Variants in PLCB4 observed in about 807,000 individuals in gnomAD.
The protein encoded by PLCB4 is phospholipase C beta 4, also known as 1-phosphatidylinositol 4,5-bisphosphate phosphodiesterase beta-4.
In PLCB4, 77 loss-of-function variants were observed where a neutral mutation model predicts 178.8. That is an observed-to-expected ratio of 0.43 (90% CI 0.36 to 0.52). The LOEUF (loss-of-function observed/expected upper bound fraction) is 0.52. Ranked by LOEUF, PLCB4 falls within the 20% of genes least tolerant of loss-of-function variation. The pLI is 0.00. For synonymous variants in PLCB4, 496 were observed against 490.8 expected (o/e 1.01, Z -0.14); for missense variants, 1,024 against 1,453.4 (o/e 0.70, Z 4.80).
In PLCB4 at chr20:9,153,828, A is replaced by G. The variant is rs187622097; in HGVS notation, c.-79+57486A>G. ...CATTCTTCATCAGGAAATGATTATT[A>G]TAATCAACCAAAATTTTGCAAACAA... On this transcript the variant is annotated intron_variant, in intron 2 of 39. Transcript: ENST00000378473. Among the ~76,000 whole-genome samples, 15 of 152,302 alleles carry G rather than the reference A, an allele frequency of 9.8e-5. No homozygotes were observed. In the East Asian group the frequency reaches 2.9e-3, roughly 29 times the overall value.
chr20:9,298,453 A>G, intron 3 of PLCB4, among the ~76,000 whole-genome samples: 1 of 152,070 alleles, frequency 6.6e-6, no homozygotes, highest in Admixed American at 6.6e-5. Flanking sequence ...CCTAGAATAT[A>G]TTGACAGTTA....
intron 1 of PLCB4, among the ~76,000 whole-genome samples, chr20:9,090,438 GA>G (rs1233288049): frequency 6.7e-6 from 1 of 150,174 alleles, no homozygotes; most frequent in Admixed American, 6.6e-5. Context: ...AAGGGGGAGG[GA>G]AAAAATGGAA....
At position 9,137,829 on chromosome 20, in the gene PLCB4, G is replaced by A. The variant is rs529097248; in HGVS notation, c.-79+41487G>A. On this transcript the variant is annotated intron_variant, in intron 2 of 39. Coordinates refer to ENST00000378473, the MANE Select transcript of PLCB4 (RefSeq NM_001377142.1). ...GCTAGCAACAGAAAACACCCATTCT[G>A]TATGTATTTACAGAGGGCCTCTTGT... Among the ~76,000 whole-genome samples, 330 of 150,494 alleles carry A rather than the reference G, an allele frequency of 2.2e-3. 2 individuals carry two copies. The highest frequency in any genetic ancestry group is 3.1e-3 in the Non-Finnish European group (207 of 67,816).
intron 2 of PLCB4, among the ~76,000 whole-genome samples, chr20:9,210,182 A>G (rs1293428817): frequency 6.6e-6 from 1 of 152,102 alleles, no homozygotes; most frequent in Non-Finnish European, 1.5e-5. Context: ...TTAGAGAAAA[A>G]TAACACCCAT....
chr20:9,144,593 G>C (rs2092556549), intron 2 of PLCB4, among the ~76,000 whole-genome samples: 1 of 148,564 alleles, frequency 6.7e-6, no homozygotes, highest in South Asian at 2.2e-4. Flanking sequence ...AGGAGTTCAA[G>C]ACCAGCTTGA....
At chr20:9,269,486 A>G (rs910229837) in intron 3 of PLCB4, among the ~76,000 whole-genome samples, 1 of 152,180 alleles carries the variant, frequency 6.6e-6, no homozygotes, top group Non-Finnish European at 1.5e-5. Context: ...CAACTATGTC[A>G]TCATTCCAAC....
At chr20:9,265,221 G>A (rs899472966) in intron 3 of PLCB4, among the ~76,000 whole-genome samples, 11 of 152,152 alleles carry the variant, frequency 7.2e-5, no homozygotes, top group African/African-American at 2.7e-4. Flanking sequence ...GGTGGCTCAT[G>A]TCTGCAATTC....
At chr20:9,347,186 T>C (rs2033883984) in intron 7 of PLCB4, among the ~76,000 whole-genome samples, 2 of 152,174 alleles carry the variant, frequency 1.3e-5, no homozygotes, top group African/African-American at 2.4e-5. Flanking sequence ...GTGTGGACTT[T>C]AGCAAGTTGG....
chr20:9,337,920 T>A (rs953288788), intron 5 of PLCB4, 88 bp from the exon 6 acceptor site: 11 of 853,190 alleles, frequency 1.3e-5, no homozygotes, highest in Non-Finnish European at 2.0e-5. Context: ...ACTGCCTTCA[T>A]CATCAGAAAT....
chr20:9,113,939 C>T (rs1029705256), intron 2 of PLCB4, among the ~76,000 whole-genome samples: 3 of 152,226 alleles, frequency 2.0e-5, no homozygotes, highest in South Asian at 4.1e-4. Context: ...TCTGGCCAGG[C>T]GCAGTGGCTC....
rs141112713 is a variant in PLCB4 at position 9,427,173 on chromosome 20, C to T, written c.2524+3221C>T. The stretch of plus-strand genomic sequence containing the variant: ...CTGGGAGGCAGAGGTTGAAGTGAGC[C>T]GAGTTCATGCCACCGCACTCCAGCC... On this transcript the variant is annotated intron_variant, in intron 28 of 39. Coordinates refer to ENST00000378473, the MANE Select transcript of PLCB4 (RefSeq NM_001377142.1). Among the ~76,000 whole-genome samples, 841 of 152,126 alleles carry T rather than the reference C, an allele frequency of 5.5e-3. 3 individuals carry two copies. Among genetic ancestry groups the T allele is most frequent in the Admixed American group, 0.01 (157 of 15,276 alleles).
At chr20:9,151,027 A>G (rs942441151) in intron 2 of PLCB4, among the ~76,000 whole-genome samples, 1 of 152,126 alleles carries the variant, frequency 6.6e-6, no homozygotes, top group Non-Finnish European at 1.5e-5. Flanking sequence ...TCCCTGAGGA[A>G]ACAATCTAAA....
At chr20:9,274,647 A>G (rs1213718803) in intron 3 of PLCB4, among the ~76,000 whole-genome samples, 1 of 152,110 alleles carries the variant, frequency 6.6e-6, no homozygotes, top group Admixed American at 6.6e-5. Flanking sequence ...CTTCTGTCCT[A>G]CGAAAACCAT....
At chr20:9,310,748 G>A (rs940402806) in intron 4 of PLCB4, among the ~76,000 whole-genome samples, 3 of 152,030 alleles carry the variant, frequency 2.0e-5, no homozygotes, top group Non-Finnish European at 2.9e-5. Flanking sequence ...AAGGGAGCAG[G>A]GAGTAAGCAG....
At chr20:9,102,651 A>C (rs1298371175) in intron 2 of PLCB4, among the ~76,000 whole-genome samples, 4 of 152,354 alleles carry the variant, frequency 2.6e-5, no homozygotes, top group Admixed American at 2.6e-4. Context: ...AAAAGTGCTT[A>C]ATAAACAGAA....
intron 13 of PLCB4, among the ~76,000 whole-genome samples, chr20:9,381,507 A>G (rs914901430): frequency 1.3e-5 from 2 of 152,206 alleles, no homozygotes; most frequent in Non-Finnish European, 2.9e-5. Context: ...AAGGAGAAAG[A>G]CAAGTGATTC....
chr20:9,465,516 A>G (rs936747332), intron 35 of PLCB4, among the ~76,000 whole-genome samples: 2 of 152,216 alleles, frequency 1.3e-5, no homozygotes, highest in African/African-American at 4.8e-5. Context: ...ACATCACATG[A>G]TAGTATATTT....
chr20:9,427,357 G>A (rs955675521), intron 28 of PLCB4, among the ~76,000 whole-genome samples: 1 of 150,130 alleles, frequency 6.7e-6, no homozygotes, highest in Non-Finnish European at 1.5e-5. Context: ...CAACAATACA[G>A]TCTCCTATCA....
intron 6 of PLCB4, 72 bp downstream of exon 6, chr20:9,338,139 A>G: frequency 1.0e-6 from 1 of 992,658 alleles, no homozygotes; most frequent in Admixed American, 1.8e-5. Context: ...GCTTCTAGAG[A>G]TAAAAAACTC....
Sources: allele counts gnomAD v4.1 joint callset (sites outside exome capture counted in the v4.1 genomes callset), GRCh38; gene constraint gnomAD v4.1.1; transcripts MANE v1.5; gene names NCBI Gene and HGNC (gene_info 2026-07-23, HGNC 2026-07-21).